Variants in SLC47A2 observed in about 807,000 individuals in gnomAD.
SLC47A2 encodes solute carrier family 47 member 2, also known as multidrug and toxin extrusion protein 2.
In SLC47A2, 52 loss-of-function variants were observed where a neutral mutation model predicts 67.7. The observed-to-expected ratio is 0.77, with a 90% confidence interval of 0.61 to 0.97. SLC47A2 has a LOEUF of 0.97. Among genes scored for constraint, SLC47A2 ranks in the 50% least tolerant of loss-of-function variants. The probability of loss-of-function intolerance (pLI) is 0.00; values close to 1 mark genes in which losing one functional copy is unlikely to be tolerated. For missense variants in SLC47A2, 676 were observed against 712.3 expected, an observed-to-expected ratio of 0.95 and a Z score of 0.58; for synonymous variants, 278 against 292.9, an observed-to-expected ratio of 0.95 and a Z score of 0.52.
chr17:19,712,912 T>A (rs531671810), intron 4 of SLC47A2, among the ~76,000 whole-genome samples, 167 bp from the exon 5 acceptor site: 1 of 152,116 alleles, frequency 6.6e-6, no homozygotes, highest in South Asian at 2.1e-4. Context: ...GGTAAGCAGG[T>A]GCCAGGAGGG....
intron 11 of SLC47A2, among the ~76,000 whole-genome samples, chr17:19,703,379 A>T (rs2085840657): frequency 6.6e-6 from 1 of 152,048 alleles, no homozygotes; most frequent in African/African-American, 2.4e-5. Context: ...AAATGCTTCC[A>T]CTCCAGTGGT....
intron 13 of SLC47A2, among the ~76,000 whole-genome samples, chr17:19,682,699 G>C (rs752388120): frequency 6.6e-6 from 1 of 152,130 alleles, no homozygotes; most frequent in Non-Finnish European, 1.5e-5. Flanking sequence ...ACACTCACAG[G>C]TTCTGGGGAT....
intron 15 of SLC47A2, among the ~76,000 whole-genome samples, chr17:19,681,070 G>C (rs764541316): frequency 5.3e-5 from 8 of 152,136 alleles, no homozygotes; most frequent in Non-Finnish European, 8.8e-5. Flanking sequence ...AAAATTAGCT[G>C]GGCGTGGTGG....
intron 13 of SLC47A2, among the ~76,000 whole-genome samples, chr17:19,687,736 A>C (rs1389918018): frequency 6.6e-6 from 1 of 152,212 alleles, no homozygotes; most frequent in Non-Finnish European, 1.5e-5. Flanking sequence ...TAAATTGGAA[A>C]ACCTAGAACT....
chr17:19,678,959 T>C, intron 16 of SLC47A2, 53 bp from the exon 17 acceptor site: 1 of 1,510,074 alleles, frequency 6.6e-7, no homozygotes, highest in South Asian at 1.2e-5. Flanking sequence ...GAGGGAGAGC[T>C]TTGGCCTTGG....
intron 5 of SLC47A2, among the ~76,000 whole-genome samples, chr17:19,712,089 A>T (rs1392010307): frequency 6.6e-6 from 1 of 152,142 alleles, no homozygotes; most frequent in Non-Finnish European, 1.5e-5. Context: ...ACCCGTGAAT[A>T]GAAATAATCC....
intron 13 of SLC47A2, among the ~76,000 whole-genome samples, chr17:19,697,147 A>T (rs1347052320): frequency 6.6e-6 from 1 of 152,154 alleles, no homozygotes; most frequent in Non-Finnish European, 1.5e-5. Context: ...AATAAAAAAA[A>T]TTAGCCAGGT....
In SLC47A2 at chr17:19,707,809, C is replaced by A. The variant is rs775127034; in HGVS notation, c.664G>T (p.Ala222Ser). The A allele has an allele frequency of 1.2e-6, 2 of 1,604,764 alleles. No homozygotes were observed. The highest frequency in any genetic ancestry group is 1.7e-6 in the Non-Finnish European group (2 of 1,175,672). The change falls in exon 8 of 17, where the codon GCA becomes TCA. Residue 222 changes from alanine to serine, a missense_variant. Coordinates refer to ENST00000433844, the MANE Select transcript of SLC47A2 (RefSeq NM_001099646.3). ...TAGAGAAGGAGGAAGACGGTCTGTG[C>A]AAACTGGGAGATGATGTTGGCATAG... ...SAYANIISQFAQTVFLLLYIV... is the reference protein window; with the variant it reads ...SAYANIISQFSQTVFLLLYIV...
In SLC47A2 at chr17:19,715,157, G is replaced by T. The variant is rs1193521267; in HGVS notation, c.184C>A (p.Leu62Met). 2 of 1,612,474 alleles carry T rather than the reference G, an allele frequency of 1.2e-6. No individual in the cohort carries two copies. The highest frequency in any genetic ancestry group is 1.7e-6 in the Non-Finnish European group (2 of 1,180,000). The change falls in exon 2 of 17, where the codon CTG becomes ATG. Residue 62 changes from leucine (L) to methionine (M), a missense_variant. Leu to Met is a conservative substitution (Grantham distance 15, BLOSUM62 2). Coordinates refer to ENST00000433844, the MANE Select transcript of SLC47A2 (RefSeq NM_001099646.3). ...ACCGATGCCAGCTCCACCTTGCCCA[G>T]GTGCCCGCAGAACACAGTGCTCACG... ...YIVSTVFCGH[L>M]GKVELASVTL...
Position 19,681,475 on chromosome 17 carries a change from GTGA to G in SLC47A2, c.1298-17_1298-15del. 1 of 1,614,130 alleles carries G rather than the reference GTGA, an allele frequency of 6.2e-7. No homozygotes were observed. Among genetic ancestry groups the G allele is most frequent in the Non-Finnish European group, 8.5e-7 (1 of 1,180,012 alleles). ...CCAGCCAGAGGCCTGGAGGAGACAA[GTGA>G]TGATGGGAACAATGTCCGACGACCA... On this transcript the variant is annotated splice_polypyrimidine_tract_variant and intron_variant, in intron 14 of 16. Coordinates refer to ENST00000433844, the MANE Select transcript of SLC47A2 (RefSeq NM_001099646.3).
At chr17:19,704,431 C>T (rs1236131077) in intron 10 of SLC47A2, among the ~76,000 whole-genome samples, 2 of 152,242 alleles carry the variant, frequency 1.3e-5, no homozygotes, top group African/African-American at 2.4e-5. Flanking sequence ...CACAGGCAGG[C>T]GGGCCTTGCA....
At chr17:19,713,693 A>G in intron 4 of SLC47A2, 132 bp downstream of exon 4, 1 of 1,275,964 alleles carries the variant, frequency 7.8e-7, no homozygotes, top group Non-Finnish European at 1.1e-6. Context: ...GAAGGTACCC[A>G]CAGGCACCGT....
In SLC47A2 at chr17:19,678,911, G is replaced by A. The variant is rs371450752; in HGVS notation, c.1481-5C>T. On this transcript the variant is annotated splice_region_variant and splice_polypyrimidine_tract_variant and intron_variant, in intron 16 of 16. Coordinates refer to ENST00000433844, the MANE Select transcript of SLC47A2 (RefSeq NM_001099646.3). ...CAGGGGAACTGCCTGTAGCCACTGC[G>A]GAAGCAAACAGGAGCAAACTCAGCA... 715 of 1,561,770 alleles carry A rather than the reference G, an allele frequency of 4.6e-4. No homozygotes were observed. The highest frequency in any genetic ancestry group is 5.6e-4 in the Non-Finnish European group (645 of 1,151,618).
chr17:19,708,178 C>G, intron 7 of SLC47A2, 124 bp downstream of exon 7: 1 of 1,117,686 alleles, frequency 8.9e-7, no homozygotes, highest in Non-Finnish European at 1.3e-6. Context: ...CTCCAACTCC[C>G]CATAACCCTC....
intron 3 of SLC47A2, 147 bp from the exon 4 acceptor site, chr17:19,714,120 A>T: frequency 9.1e-7 from 1 of 1,100,472 alleles, no homozygotes; most frequent in Non-Finnish European, 1.3e-6. Context: ...CGCAGCCTGT[A>T]ATGGCACAGC....
At chr17:19,696,008 G>A (rs961693693) in intron 13 of SLC47A2, among the ~76,000 whole-genome samples, 7 of 151,812 alleles carry the variant, frequency 4.6e-5, no homozygotes, top group African/African-American at 1.7e-4. Flanking sequence ...ACAGGTGTGA[G>A]CCACTGTGTC....
At chr17:19,700,673 G>A (rs2085761692) in intron 13 of SLC47A2, among the ~76,000 whole-genome samples, 1 of 151,784 alleles carries the variant, frequency 6.6e-6, no homozygotes, top group Admixed American at 6.6e-5. Context: ...GCTGAGGTAG[G>A]AGGATTGCTT....
chr17:19,686,704 C>G (rs760047421), intron 13 of SLC47A2, among the ~76,000 whole-genome samples: 2 of 152,134 alleles, frequency 1.3e-5, no homozygotes, highest in Non-Finnish European at 2.9e-5. Flanking sequence ...GAGACAAGGT[C>G]ATTGTATAAC....
At chr17:19,704,622 C>G (rs1045292494) in intron 10 of SLC47A2, 81 of 1,512,452 alleles carry the variant, frequency 5.4e-5, no homozygotes, top group Admixed American at 9.1e-5. Context: ...TTGCTTAAAG[C>G]TGGGGTCAGG....
Sources: gnomAD v4.1 joint callset for allele counts (sites outside exome capture counted in the v4.1 genomes callset) on GRCh38, gnomAD v4.1.1 for gene constraint, MANE v1.5 for transcripts, NCBI Gene and HGNC (gene_info 2026-07-23, HGNC 2026-07-21) for gene names.